The following TRIM49B variants were observed in gnomAD, a reference collection of about 807,000 sequenced individuals.
The protein encoded by TRIM49B is tripartite motif containing 49B, also known as putative tripartite motif-containing protein 49B.
Under a neutral mutation model 31.8 loss-of-function variants are expected in TRIM49B, and 18 were observed. The observed-to-expected ratio is 0.57, with a 90% CI of 0.39 to 0.84. The LOEUF (loss-of-function observed/expected upper bound fraction) is 0.84, where lower values mean the gene tolerates loss of function less well. Ranked by LOEUF, TRIM49B falls within the 40% of genes least tolerant of loss-of-function variation. The pLI, the probability that TRIM49B is intolerant of heterozygous loss-of-function variation, is 0.00. For synonymous variants in TRIM49B, 196 were observed against 180.6 expected, an observed-to-expected ratio of 1.09 and a Z score of -0.68; for missense variants, 494 against 538.7, an observed-to-expected ratio of 0.92 and a Z score of 0.82.
In TRIM49B at chr11:49,031,675, G is replaced by C. The variant is rs1854449186; in HGVS notation, c.76G>C (p.Val26Leu). Residue 26 changes from valine to leucine, a missense_variant, in exon 2 of 7, where the codon GTC (valine) becomes CTC (leucine). By Grantham distance (32) the Val-to-Leu change is conservative (BLOSUM62 1). This residue lies in a region of TRIM49B where 251 missense variants were observed against 232.8 expected (regional missense o/e 1.08). Coordinates refer to ENST00000332682, the MANE Select transcript of TRIM49B (RefSeq NM_001206626.2). ...PICMNYFIDPVTIDCGHSFCR... is the reference protein window; with the variant it reads ...PICMNYFIDPLTIDCGHSFCR... ...CTGCATGAACTACTTCATAGACCCG[G>C]TCACCATAGACTGTGGGCACAGCTT... The C allele has an allele frequency of 6.2e-7, 1 of 1,613,804 alleles. No individual in the cohort carries two copies. The highest frequency in any genetic ancestry group is 1.7e-5 in the Admixed American group (1 of 59,990).
chr11:49,034,593 G>T (rs1854496445), intron 4 of TRIM49B, among the ~76,000 whole-genome samples: 1 of 151,970 alleles, frequency 6.6e-6, no homozygotes, highest in South Asian at 2.1e-4. Flanking sequence ...ACAAAACTTT[G>T]TGGAATGGTC....
chr11:49,034,396 T>C lies in TRIM49B; in HGVS notation c.738+20T>C. The stretch of plus-strand genomic sequence containing the variant: ...CTTCAGGTACAAACTCGCCATGTGG[T>C]TTCAGGTTTTTGAATATTCACATGT... On this transcript the variant is annotated intron_variant, in intron 4 of 6. Coordinates refer to ENST00000332682, the MANE Select transcript of TRIM49B (RefSeq NM_001206626.2). 1 of 1,611,894 alleles carries C rather than the reference T, an allele frequency of 6.2e-7. No homozygotes were observed.
In TRIM49B at chr11:49,038,067, A is replaced by G; in HGVS notation, c.*90A>G. On this transcript the variant is annotated 3_prime_UTR_variant, in exon 7 of 7. Coordinates refer to ENST00000332682, the MANE Select transcript of TRIM49B (RefSeq NM_001206626.2). ...CCTTGTGCCTTAACATACAGGACAA[A>G]TAGGCTCTATTTTATATCTTGAATT... The G allele has an allele frequency of 1.3e-6, 2 of 1,559,498 alleles. No homozygotes were observed. The highest frequency in any genetic ancestry group is 1.7e-6 in the Non-Finnish European group (2 of 1,160,968).
intron 1 of TRIM49B, among the ~76,000 whole-genome samples, chr11:49,030,383 C>G (rs1383056650): frequency 6.6e-6 from 1 of 152,030 alleles, no homozygotes; most frequent in East Asian, 1.9e-4. Context: ...ACACATTTCT[C>G]AGAACATACA....
intron 2 of TRIM49B, 73 bp from the exon 3 acceptor site, chr11:49,032,203 T>C (rs1163384332): frequency 1.2e-6 from 2 of 1,611,866 alleles, no homozygotes; most frequent in East Asian, 4.5e-5. Context: ...TAGGGGTTTA[T>C]TTGTCTCTCA....
chr11:49,031,940 T>A lies in TRIM49B; in HGVS notation c.341T>A (p.Leu114Gln). ...CEVDRSLLCLLCSSSQEHRDH... is the reference protein window; with the variant it reads ...CEVDRSLLCLQCSSSQEHRDH... ...GTGGACAGGAGCCTGCTCTGTTTGC[T>A]GTGCTCCAGCTCTCAGGAGCACCGG... is the stretch of plus-strand genomic sequence containing the variant. The change falls in exon 2 of 7, where the codon CTG becomes CAG. Residue 114 changes from leucine to glutamine, a missense_variant. Leu to Gln is a moderately radical substitution (Grantham distance 113). Around this residue, in one of 3 missense-constraint regions of TRIM49B, gnomAD observed 251 missense variants for 232.8 expected, o/e 1.08. Coordinates refer to ENST00000332682, the MANE Select transcript of TRIM49B (RefSeq NM_001206626.2). 5.0e-6 allele frequency: 8 copies of A among 1,612,114 alleles called. No individual in the cohort carries two copies. Among genetic ancestry groups the A allele is most frequent in the Non-Finnish European group, 6.8e-6 (8 of 1,179,868 alleles).
chr11:49,034,336 T>C lies in TRIM49B; in HGVS notation c.698T>C (p.Leu233Pro). 3 of 1,612,010 alleles carry C rather than the reference T, an allele frequency of 1.9e-6. No homozygotes were observed. In the South Asian group the frequency reaches 3.3e-5, roughly 18 times the overall value. Residue 233 changes from leucine to proline, a missense_variant, in exon 4 of 7, where the codon CTG becomes CCG. This residue lies in a region of TRIM49B where 233 missense variants were observed against 281.4 expected (regional missense o/e 0.83). Transcript: ENST00000332682. ...REILRGMYEE[L>P]NEMCHKPDVE... ...ATTTTAAGAGGAATGTATGAGGAGC[T>C]GAACGAAATGTGCCATAAACCAGAT...
At chr11:49,034,429 T>C (rs1186807107) in intron 4 of TRIM49B, 53 bp downstream of exon 4, 1 of 1,611,616 alleles carries the variant, frequency 6.2e-7, no homozygotes, top group Non-Finnish European at 8.5e-7. Flanking sequence ...TGTATAAGTA[T>C]TTTCCTCATG....
intron 4 of TRIM49B, among the ~76,000 whole-genome samples, chr11:49,034,645 A>G (rs1456006840): frequency 1.3e-5 from 2 of 152,052 alleles, no homozygotes; most frequent in African/African-American, 4.8e-5. Flanking sequence ...TAATTCAATA[A>G]TATACTTTGG....
rs1344724295 is a variant in TRIM49B, at chr11:49,035,237, T to C, written c.761+120T>C. ...AATAATTAAGATATTGATACCACTT[T>C]TTTTTTGCATCTACTTTCGTTCCCA... On this transcript the variant is annotated intron_variant, in intron 5 of 6. Coordinates refer to ENST00000332682, the MANE Select transcript of TRIM49B (RefSeq NM_001206626.2). The C allele has an allele frequency of 2.6e-6, 4 of 1,517,972 alleles. No individual in the cohort carries two copies. The African/African-American group carries it at 4.2e-5, about 16-fold the overall frequency. The allele number at this position is 1,517,972 out of a possible 1,614,324, so 94.0% of individuals were successfully genotyped here.
rs781386649 is a variant in TRIM49B at position 49,034,341 on chromosome 11, G to A, written c.703G>A (p.Glu235Lys). The A allele has an allele frequency of 1.6e-5, 26 of 1,611,954 alleles. No individual in the cohort carries two copies. The South Asian group carries it at 2.2e-4, about 14-fold the overall frequency. ...AAGAGGAATGTATGAGGAGCTGAAC[G>A]AAATGTGCCATAAACCAGATGTGGA... is the stretch of plus-strand genomic sequence containing the variant. ...ILRGMYEELN[E>K]MCHKPDVELL... is the part of the protein sequence containing the mutation. Residue 235 changes from glutamate (E) to lysine (K), a missense_variant, in exon 4 of 7, where the codon GAA (glutamate) becomes AAA (lysine). By Grantham distance (56) the Glu-to-Lys change is moderately conservative (BLOSUM62 1). Around this residue, in one of 3 missense-constraint regions of TRIM49B, gnomAD observed 233 missense variants for 281.4 expected, o/e 0.83. Coordinates refer to ENST00000332682, the MANE Select transcript of TRIM49B (RefSeq NM_001206626.2).
In TRIM49B at chr11:49,037,644, C is replaced by T. The variant is rs1468850389; in HGVS notation, c.1026C>T (p.Tyr342=). 6.2e-7 allele frequency: 1 copy of T among 1,613,814 alleles called. No individual in the cohort carries two copies. The highest frequency in any genetic ancestry group is 8.5e-7 in the Non-Finnish European group (1 of 1,179,880). Residue 342 remains tyrosine, a synonymous_variant, in exon 7 of 7, where the codon TAC becomes TAT. Transcript: ENST00000332682. The part of the protein sequence containing the change: ...GAQTFTSGKY[Y]WEVHVGDSWN... The stretch of plus-strand genomic sequence containing the variant: ...AGACTTTCACCTCGGGCAAATATTA[C>T]TGGGAGGTCCATGTAGGGGACTCCT...
At chr11:49,030,789 C>G (rs781613391) in intron 1 of TRIM49B, among the ~76,000 whole-genome samples, 3 of 152,120 alleles carry the variant, frequency 2.0e-5, no homozygotes, top group Non-Finnish European at 4.4e-5. Context: ...TAAAATTCAC[C>G]ATCACACCAT....
At position 49,037,772 on chromosome 11, in the gene TRIM49B, A is replaced by C. The variant is rs1342235087; in HGVS notation, c.1154A>C (p.Asn385Thr). ...DGLFLLGCVK[N>T]DIQRSLFTTS... Reference sequence around the variant, plus strand: ...CTCTTTCTTCTTGGGTGTGTTAAGAATGACATTCAACGCAGTCTCTTTACC... The same window carrying C: ...CTCTTTCTTCTTGGGTGTGTTAAGACTGACATTCAACGCAGTCTCTTTACC... Residue 385 changes from asparagine (N) to threonine (T), a missense_variant, in exon 7 of 7, where the codon AAT (asparagine) becomes ACT (threonine). This residue lies in a region of TRIM49B where 233 missense variants were observed against 281.4 expected (regional missense o/e 0.83). Transcript: ENST00000332682. 1 of 1,613,978 alleles carries C rather than the reference A, an allele frequency of 6.2e-7. No individual in the cohort carries two copies.
intron 3 of TRIM49B, 46 bp from the exon 4 acceptor site, chr11:49,034,100 G>A (rs781498085): frequency 1.2e-6 from 2 of 1,610,406 alleles, no homozygotes; most frequent in Non-Finnish European, 1.7e-6. Flanking sequence ...TTTAATAGGA[G>A]ATGGATATAT....
chr11:49,032,123 T>C, intron 2 of TRIM49B, 113 bp downstream of exon 2: 1 of 1,587,288 alleles, frequency 6.3e-7, no homozygotes, highest in Non-Finnish European at 8.5e-7. Context: ...GCAGCTCTGT[T>C]TGGGCTTTCT....
chr11:49,029,002 T>C (rs1854415589), intron 1 of TRIM49B, 27 bp downstream of exon 1: 1 of 152,814 alleles, frequency 6.5e-6, no homozygotes, highest in African/African-American at 2.4e-5. Flanking sequence ...GATAAAATTA[T>C]ATCATCTTTC....
At chr11:49,037,359 A>C (rs1854545410) in intron 6 of TRIM49B, 119 bp from the exon 7 acceptor site, 6 of 1,311,502 alleles carry the variant, frequency 4.6e-6, no homozygotes. Context: ...TCTATACTTT[A>C]CTAGAAGTTA....
chr11:49,037,212 T>C (rs116723183), intron 6 of TRIM49B, among the ~76,000 whole-genome samples: 1,531 of 152,338 alleles, frequency 0.01, 25 homozygotes, highest in African/African-American at 0.035. Context: ...ATTTAGGGCA[T>C]ACAATGTATA....
Sources: gnomAD v4.1 joint callset for allele counts (sites outside exome capture counted in the v4.1 genomes callset) on GRCh38, gnomAD v4.1.1 for gene constraint, gnomAD v4.1.1 regional missense constraint, MANE v1.5 for transcripts, NCBI Gene and HGNC (gene_info 2026-07-23, HGNC 2026-07-21) for gene names.